Variants in XKR6 observed in about 807,000 individuals in gnomAD.
The protein encoded by XKR6 is XK related 6.
A neutral mutation model predicts 56.7 loss-of-function variants in XKR6; 22 were observed. That is an observed-to-expected ratio of 0.39 (90% confidence interval 0.28 to 0.55). The LOEUF (loss-of-function observed/expected upper bound fraction) is 0.55. Among genes scored for constraint, XKR6 ranks in the 20% least tolerant of loss-of-function variants. The pLI, the probability that XKR6 is intolerant of heterozygous loss-of-function variation, is 0.66. For synonymous variants in XKR6, 524 were observed against 387.8 expected, an observed-to-expected ratio of 1.35 and a Z score of -4.13; for missense variants, 852 against 889.0, an observed-to-expected ratio of 0.96 and a Z score of 0.53.
chr8:11,023,152 G>T (rs1381030293), intron 1 of XKR6, among the ~76,000 whole-genome samples: 2 of 152,172 alleles, frequency 1.3e-5, no homozygotes, highest in Non-Finnish European at 2.9e-5. Flanking sequence ...TGAGAAAATG[G>T]GCAGGTGGAA....
intron 1 of XKR6, among the ~76,000 whole-genome samples, chr8:10,995,378 T>G (rs1382701312): frequency 6.7e-6 from 1 of 148,164 alleles, no homozygotes; most frequent in Non-Finnish European, 1.5e-5. Context: ...ATATGATATA[T>G]GTATATGATA....
intron 1 of XKR6, among the ~76,000 whole-genome samples, chr8:10,951,463 G>A (rs1036652195): frequency 2.6e-5 from 4 of 152,182 alleles, no homozygotes; most frequent in South Asian, 2.1e-4. Context: ...CAGAATCACC[G>A]GCGGCTGCAT....
intron 2 of XKR6, among the ~76,000 whole-genome samples, chr8:10,913,656 C>T (rs151141210): frequency 2.0e-5 from 3 of 152,202 alleles, no homozygotes; most frequent in South Asian, 4.1e-4. Context: ...GGACCTGCCC[C>T]GGTGCACTCA....
intron 1 of XKR6, among the ~76,000 whole-genome samples, chr8:11,015,494 G>A (rs1375435130): frequency 1.3e-5 from 2 of 152,124 alleles, no homozygotes; most frequent in African/African-American, 2.4e-5. Flanking sequence ...CCCCACCTCG[G>A]GGAGGGACTC....
chr8:11,160,685 G>A (rs1191095360), intron 1 of XKR6, among the ~76,000 whole-genome samples: 1 of 152,044 alleles, frequency 6.6e-6, no homozygotes. Flanking sequence ...CAAGGCGGGT[G>A]GATCCCGAGG....
chr8:10,937,984 G>A (rs921362237), intron 1 of XKR6, among the ~76,000 whole-genome samples: 9 of 151,366 alleles, frequency 5.9e-5, no homozygotes, highest in African/African-American at 1.9e-4. Flanking sequence ...GCAATGGCGG[G>A]CGCCCCTCCC....
rs200925376 is a variant in XKR6 at position 10,897,997 on chromosome 8, G to T, written c.1881C>A (p.Asp627Glu). 5.0e-6 allele frequency: 8 copies of T among 1,610,372 alleles called. No individual in the cohort carries two copies. In the East Asian group the frequency reaches 1.6e-4, roughly 31 times the overall value. Residue 627 changes from aspartate to glutamate, a missense_variant, in exon 3 of 3, where the codon GAC becomes GAA. Around this residue, in one of 4 missense-constraint regions of XKR6, gnomAD observed 39 missense variants for 62.5 expected, o/e 0.62. Transcript: ENST00000416569. Reference protein sequence around the residue: ...TPTAVGIRYRDGPLLYELLQY... With the variant: ...TPTAVGIRYREGPLLYELLQY... ...GTAGCAACTCATAGAGGAGTGGTCC[G>T]TCTCGATATCGAATGCCTACTGCGG...
intron 1 of XKR6, among the ~76,000 whole-genome samples, chr8:11,023,765 C>A (rs956910823): frequency 5.3e-5 from 8 of 152,222 alleles, no homozygotes; most frequent in African/African-American, 1.9e-4. Context: ...TCCTGCGGAT[C>A]ATTTCTCACC....
At position 11,067,562 on chromosome 8, in the gene XKR6, G is replaced by A. The variant is rs182835252; in HGVS notation, c.764+133014C>T. Among the ~76,000 whole-genome samples, 277 of 152,360 alleles carry A rather than the reference G, an allele frequency of 1.8e-3. 1 individual carries two copies. The highest frequency in any genetic ancestry group is 6.3e-3 in the African/African-American group (262 of 41,588). On this transcript the variant is annotated intron_variant, in intron 1 of 2. Transcript: ENST00000416569. Reference sequence around the variant, plus strand: ...TATTTATCTTAGACATGGGCCAAGCGATAATAGACATTTCTTGAAAGGTAA... The same window carrying A: ...TATTTATCTTAGACATGGGCCAAGCAATAATAGACATTTCTTGAAAGGTAA...
intron 1 of XKR6, among the ~76,000 whole-genome samples, chr8:11,008,764 G>A (rs1798432699): frequency 6.6e-6 from 1 of 152,060 alleles, no homozygotes; most frequent in South Asian, 2.1e-4. Context: ...TGGGCTGAGT[G>A]CTTCCAGGAG....
At chr8:11,159,706 G>A (rs963125126) in intron 1 of XKR6, among the ~76,000 whole-genome samples, 1 of 152,222 alleles carries the variant, frequency 6.6e-6, no homozygotes, top group African/African-American at 2.4e-5. Context: ...GAAAACTACT[G>A]ACCAAGAACC....
chr8:11,159,137 G>A (rs906861913), intron 1 of XKR6, among the ~76,000 whole-genome samples: 8 of 152,160 alleles, frequency 5.3e-5, no homozygotes, highest in Non-Finnish European at 8.8e-5. Flanking sequence ...TTAGTTGGCC[G>A]TTTCAATGAG....
At chr8:11,097,738 C>T (rs576611838) in intron 1 of XKR6, among the ~76,000 whole-genome samples, 11 of 138,470 alleles carry the variant, frequency 7.9e-5, no homozygotes, top group African/African-American at 3.1e-4. Context: ...ACCCAGGAGG[C>T]GGAGGCTGCA....
intron 2 of XKR6, among the ~76,000 whole-genome samples, chr8:10,904,752 C>T (rs1481486946): frequency 6.6e-6 from 1 of 152,184 alleles, no homozygotes; most frequent in Non-Finnish European, 1.5e-5. Flanking sequence ...TCCCTGTAGG[C>T]TGAACACAGC....
intron 1 of XKR6, among the ~76,000 whole-genome samples, chr8:11,183,224 C>T (rs1029943384): frequency 5.3e-5 from 8 of 152,060 alleles, no homozygotes; most frequent in African/African-American, 1.9e-4. Flanking sequence ...ATATACAGCC[C>T]GAATTGAAAC....
rs1181219625 is a variant in XKR6, at chr8:11,200,482, G to A, written c.764+94C>T. ...CCGGTCCCTCCTTCGAGCCCCCCGC[G>A]CTGGGCCCTTTCGAGGGGCCGCCCC... On this transcript the variant is annotated intron_variant, in intron 1 of 2. Transcript: ENST00000416569. This position sits in a 1 kb window ranked among gnomAD's most constrained non-coding sequence, Gnocchi z 6.4. The A allele has an allele frequency of 7.5e-7, 1 of 1,331,328 alleles. No individual in the cohort carries two copies. Among genetic ancestry groups the A allele is most frequent in the South Asian group, 2.0e-5 (1 of 51,162 alleles). 82.5% of individuals were successfully genotyped at this position (1,331,328 alleles called of 1,614,324 possible).
At chr8:11,061,588 C>A (rs1799835740) in intron 1 of XKR6, among the ~76,000 whole-genome samples, 1 of 152,198 alleles carries the variant, frequency 6.6e-6, no homozygotes, top group South Asian at 2.1e-4. Context: ...CTCCCTCATG[C>A]ACATCCGTTC....
chr8:11,030,158 CCT>C (rs1189487913), intron 1 of XKR6, among the ~76,000 whole-genome samples: 1 of 152,180 alleles, frequency 6.6e-6, no homozygotes, highest in Non-Finnish European at 1.5e-5. Flanking sequence ...CAGTCCACCC[CCT>C]CTCTGTTGCC....
chr8:11,138,484 T>C (rs1324079495), intron 1 of XKR6: 1 of 152,236 alleles, frequency 6.6e-6, no homozygotes, highest in Admixed American at 6.5e-5. Flanking sequence ...GTCTCTACTA[T>C]TGGCTCTCAG....
Sources: allele counts gnomAD v4.1 joint callset (sites outside exome capture counted in the v4.1 genomes callset), GRCh38; gene constraint gnomAD v4.1.1; regional missense constraint gnomAD v4.1.1; non-coding constraint Gnocchi (gnomAD v3.1); transcripts MANE v1.5; gene names NCBI Gene and HGNC (gene_info 2026-07-23, HGNC 2026-07-21).